Variants in CHRNA10 observed in about 807,000 individuals in gnomAD.
CHRNA10 encodes the protein cholinergic receptor nicotinic alpha 10 subunit, also known as neuronal acetylcholine receptor subunit alpha-10.
CHRNA10 carries 31 observed loss-of-function variants against 36.0 expected under a neutral mutation model. That is an observed-to-expected ratio of 0.86 (90% confidence interval 0.65 to 1.16). CHRNA10 has a LOEUF of 1.16. Among genes scored for constraint, CHRNA10 ranks in the 50% most tolerant of loss-of-function variants. The pLI is 0.00. For missense variants in CHRNA10, 648 were observed against 640.9 expected (o/e 1.01, Z -0.12); for synonymous variants, 302 against 287.0 (o/e 1.05, Z -0.53).
chr11:3,667,273 A>G lies in CHRNA10; in HGVS notation c.854T>C (p.Leu285Pro). ...LLALTVFQLL[L>P]AESMPPAESV... ...CTCGGCCGGTGGCATGCTCTCGGCCAGCAGCAACTGGAAGACGGTGAGCGC... is the reference window on the plus strand; with the variant it reads ...CTCGGCCGGTGGCATGCTCTCGGCCGGCAGCAACTGGAAGACGGTGAGCGC... Residue 285 changes from leucine to proline, a missense_variant, in exon 4 of 5, where the codon CTG becomes CCG. Transcript: ENST00000250699. 6.3e-7 allele frequency: 1 copy of G among 1,596,672 alleles called. No individual in the cohort carries two copies. The highest frequency in any genetic ancestry group is 8.5e-7 in the Non-Finnish European group (1 of 1,178,240).
At chr11:3,667,905 ACACT>A in intron 3 of CHRNA10, 141 bp from the exon 4 acceptor site, 1 of 728,044 alleles carries the variant, frequency 1.4e-6, no homozygotes, top group Non-Finnish European at 2.1e-6. Flanking sequence ...TAAGTTCGAG[ACACT>A]CACGACGCAG....
In CHRNA10 at chr11:3,667,740, G is replaced by A. The variant is rs1262780336; in HGVS notation, c.387C>T (p.Ser129=). The A allele has an allele frequency of 2.6e-6, 4 of 1,557,044 alleles. No individual in the cohort carries two copies. Among genetic ancestry groups the A allele is most frequent in the Non-Finnish European group, 3.5e-6 (4 of 1,159,164 alleles). ...YNKADAQPPG[S]ASTNVVLRHD... is the part of the protein sequence containing the mutation. ...GGCGCAGGACCACGTTGGTGCTGGC[G>A]GAACCTGGAGGCTGCGCGTCGGCTC... The change falls in exon 4 of 5, where the codon TCC becomes TCT. Residue 129 remains serine (S), a synonymous_variant. Coordinates refer to ENST00000250699, the MANE Select transcript of CHRNA10 (RefSeq NM_020402.4).
intron 2 of CHRNA10, 106 bp downstream of exon 2, chr11:3,669,690 T>C: frequency 6.9e-7 from 1 of 1,452,252 alleles, no homozygotes; most frequent in South Asian, 1.2e-5. Context: ...AATATTAACA[T>C]TTACAGAAAA....
Position 3,667,268 on chromosome 11 carries a change from C to T in CHRNA10, c.859G>A (p.Glu287Lys), listed in dbSNP as rs769677015. Residue 287 changes from glutamate (E) to lysine (K), a missense_variant, in exon 4 of 5, where the codon GAG becomes AAG. Coordinates refer to ENST00000250699, the MANE Select transcript of CHRNA10 (RefSeq NM_020402.4). ...ACGCTCTCGGCCGGTGGCATGCTCT[C>T]GGCCAGCAGCAACTGGAAGACGGTG... ...ALTVFQLLLA[E>K]SMPPAESVPL... 14 of 1,595,342 alleles carry T rather than the reference C, an allele frequency of 8.8e-6. No homozygotes were observed. The highest frequency in any genetic ancestry group is 3.4e-5 in the Admixed American group (2 of 59,470).
In CHRNA10 at chr11:3,667,475, AG is replaced by A; in HGVS notation, c.651del (p.Cys218AlafsTer89). 2 of 1,591,138 alleles carry A rather than the reference AG, an allele frequency of 1.3e-6. No individual in the cohort carries two copies. Among genetic ancestry groups the A allele is most frequent in the South Asian group, 1.1e-5 (1 of 90,532 alleles). On this transcript the variant is annotated frameshift_variant, in exon 4 of 5. Coordinates refer to ENST00000250699, the MANE Select transcript of CHRNA10 (RefSeq NM_020402.4). LOFTEE classifies it high-confidence loss of function. Reference sequence around the variant, plus strand: ...ACGTCGGGGTAGGGCTCGGAGCAGCAGCCGTAGGTGAGCACGCGCCGCCGCG... The same window carrying A: ...ACGTCGGGGTAGGGCTCGGAGCAGCACCGTAGGTGAGCACGCGCCGCCGCG... ...MPARRRVLTYGCCSEPYPDVT... is the reference protein window; with the variant it reads ...MPARRRVLTYXCCSEPYPDVT...
intron 3 of CHRNA10, 99 bp downstream of exon 3, chr11:3,669,097 A>G: frequency 1.5e-6 from 2 of 1,369,652 alleles, no homozygotes; most frequent in South Asian, 2.8e-5. Context: ...CAGCGTGGCA[A>G]CCAGGTTATG....
In CHRNA10 at chr11:3,667,333, C is replaced by T; in HGVS notation, c.794G>A (p.Gly265Asp). The T allele has an allele frequency of 2.5e-6, 4 of 1,600,548 alleles. No homozygotes were observed. Among genetic ancestry groups the T allele is most frequent in the Non-Finnish European group, 3.4e-6 (4 of 1,178,556 alleles). ...GGTGACGCCCAGCGACACCTTCTCG[C>T]CTGAGTCGGCAGGCAGGTGGAAGGC... ...PLAFHLPADS[G>D]EKVSLGVTVL... Residue 265 changes from glycine to aspartate, a missense_variant, in exon 4 of 5, where the codon GGC (glycine) becomes GAC (aspartate). By Grantham distance (94) the Gly-to-Asp change is moderately conservative. Coordinates refer to ENST00000250699, the MANE Select transcript of CHRNA10 (RefSeq NM_020402.4).
intron 3 of CHRNA10, among the ~76,000 whole-genome samples, chr11:3,668,296 G>T (rs868211114): frequency 6.6e-6 from 1 of 152,136 alleles, no homozygotes; most frequent in African/African-American, 2.4e-5. Flanking sequence ...GGCGGATCAC[G>T]AGGTCAGGAG....
rs774706922 is a variant in CHRNA10 at position 3,667,452 on chromosome 11, G to A, written c.675C>T (p.Asp225=). 16 of 1,594,920 alleles carry A rather than the reference G, an allele frequency of 1.0e-5. No homozygotes were observed. Among genetic ancestry groups the A allele is most frequent in the African/African-American group, 4.0e-5 (3 of 74,434 alleles). ...GGCGCAGCAGCAGCGTGAAGGTGAC[G>A]TCGGGGTAGGGCTCGGAGCAGCAGC... The part of the protein sequence containing the change: ...TYGCCSEPYP[D]VTFTLLLRRR... Residue 225 remains aspartate, a synonymous_variant, in exon 4 of 5, where the codon GAC becomes GAT. Coordinates refer to ENST00000250699, the MANE Select transcript of CHRNA10 (RefSeq NM_020402.4).
Position 3,666,557 on chromosome 11 carries a change from G to C in CHRNA10, c.903C>G (p.Tyr301Ter). Residue 301 changes from tyrosine (Y) to a stop codon, truncating the protein, a stop_gained, in exon 5 of 5, where the codon TAC becomes TAG. Transcript: ENST00000250699. LOFTEE classifies it high-confidence loss of function. Reference sequence around the variant, plus strand: ...TGACCATGGTCATAGTGGCCATGTAGTACTTCCCTGCAAGAGAGAGAGAAA... The same window carrying C: ...TGACCATGGTCATAGTGGCCATGTACTACTTCCCTGCAAGAGAGAGAGAAA... ...PAESVPLIGK[Y>*]YMATMTMVTF... is the part of the protein sequence containing the mutation. The C allele has an allele frequency of 6.5e-7, 1 of 1,531,092 alleles. No individual in the cohort carries two copies. The highest frequency in any genetic ancestry group is 1.4e-5 in the African/African-American group (1 of 72,318). 94.8% of individuals were successfully genotyped at this position (1,531,092 alleles called of 1,614,324 possible). A position where few individuals can be genotyped will look rare whatever the true frequency, so the allele number is the denominator to read the frequency against.
chr11:3,666,008 G>T lies in CHRNA10; in HGVS notation c.*99C>A. On this transcript the variant is annotated 3_prime_UTR_variant, in exon 5 of 5. Transcript: ENST00000250699. Reference sequence around the variant, plus strand: ...CTCAGGATCTTAGGAGCAGTGGGGAGAGACTGGCTGGCCCAAAGACCAGCA... The same window carrying T: ...CTCAGGATCTTAGGAGCAGTGGGGATAGACTGGCTGGCCCAAAGACCAGCA... 9.8e-7 allele frequency: 1 copy of T among 1,021,038 alleles called. No individual in the cohort carries two copies. Among genetic ancestry groups the T allele is most frequent in the Non-Finnish European group, 1.4e-6 (1 of 714,378 alleles). The allele number at this position is 1,021,038 out of a possible 1,614,324, so 63.2% of individuals were successfully genotyped here.
rs2077694289 is a variant in CHRNA10, at chr11:3,669,253, T to G, written c.305A>C (p.Asp102Ala). The change falls in exon 3 of 5, where the codon GAT becomes GCT. Residue 102 changes from aspartate (D) to alanine (A), a missense_variant. Physicochemically the swap from Asp to Ala is moderately radical, Grantham distance 126 (BLOSUM62 -2). Transcript: ENST00000250699. ...RWDPNAYGGL[D>A]AIRIPSSLVW... Reference sequence around the variant, plus strand: ...AAGACTGCTGGGGATGCGGATGGCATCCAGGCCACCATAGGCATTGGGGTC... The same window carrying G: ...AAGACTGCTGGGGATGCGGATGGCAGCCAGGCCACCATAGGCATTGGGGTC... The G allele has an allele frequency of 6.2e-7, 1 of 1,613,934 alleles. No individual in the cohort carries two copies. Among genetic ancestry groups the G allele is most frequent in the Admixed American group, 1.7e-5 (1 of 59,992 alleles).
Position 3,667,311 on chromosome 11 carries a change from G to A in CHRNA10, c.816C>T (p.Val272=), listed in dbSNP as rs1299237473. 1 of 1,598,942 alleles carries A rather than the reference G, an allele frequency of 6.3e-7. No homozygotes were observed. Among genetic ancestry groups the A allele is most frequent in the African/African-American group, 1.3e-5 (1 of 74,954 alleles). Residue 272 remains valine, a synonymous_variant, in exon 4 of 5, where the codon GTC becomes GTT. Coordinates refer to ENST00000250699, the MANE Select transcript of CHRNA10 (RefSeq NM_020402.4). ...ADSGEKVSLG[V]TVLLALTVFQ... ...AGACGGTGAGCGCCAGCAGCACGGT[G>A]ACGCCCAGCGACACCTTCTCGCCTG...
rs772955497 is a variant in CHRNA10 at position 3,667,687 on chromosome 11, G to C, written c.440C>G (p.Pro147Arg). ...RHDGAVRWDA[P>R]AITRSSCRVD... Reference sequence around the variant, plus strand: ...GCGGCACGAGCTGCGCGTGATGGCCGGCGCGTCCCAGCGCACGGCGCCATC... The same window carrying C: ...GCGGCACGAGCTGCGCGTGATGGCCCGCGCGTCCCAGCGCACGGCGCCATC... Residue 147 changes from proline to arginine, a missense_variant, in exon 4 of 5, where the codon CCG becomes CGG. By Grantham distance (103) the Pro-to-Arg change is moderately radical. Transcript: ENST00000250699. The C allele has an allele frequency of 4.5e-6, 7 of 1,570,562 alleles. No homozygotes were observed. In the Admixed American group the frequency reaches 5.3e-5, roughly 12 times the overall value.
At position 3,669,370 on chromosome 11, in the gene CHRNA10, G is replaced by A. The variant is rs1469432107; in HGVS notation, c.208-20C>T. ...TTCATCCTAGTGGGGGCAGGGAATG[G>A]CAGAGATGTGGACATGTATATGCAT... On this transcript the variant is annotated intron_variant, in intron 2 of 4. Coordinates refer to ENST00000250699, the MANE Select transcript of CHRNA10 (RefSeq NM_020402.4). 1.2e-6 allele frequency: 2 copies of A among 1,610,272 alleles called. No homozygotes were observed. The highest frequency in any genetic ancestry group is 1.3e-5 in the African/African-American group (1 of 74,842).
rs1388937984 is a variant in CHRNA10, at chr11:3,666,460, C to G, written c.1000G>C (p.Ala334Pro). 5.6e-6 allele frequency: 9 copies of G among 1,613,592 alleles called. No individual in the cohort carries two copies. The highest frequency in any genetic ancestry group is 6.8e-6 in the Non-Finnish European group (8 of 1,179,712). The change falls in exon 5 of 5, where the codon GCC (alanine) becomes CCC (proline). Residue 334 changes from alanine to proline, a missense_variant. Ala to Pro is a conservative substitution (Grantham distance 27). Transcript: ENST00000250699. The stretch of plus-strand genomic sequence containing the variant: ...CCCAGCAGGAGGGCCCTAGCCCAGG[C>G]TGGCACTGGGCGGACACTGGGACCA... ...YCGPSVRPVP[A>P]WARALLLGHL...
chr11:3,669,945 G>A lies in CHRNA10; in HGVS notation c.62-4C>T, dbSNP rs1217793166. The A allele has an allele frequency of 1.2e-6, 2 of 1,614,090 alleles. No homozygotes were observed. The highest frequency in any genetic ancestry group is 1.7e-6 in the Non-Finnish European group (2 of 1,179,982). ...CGGCCCTCAGCTCCCAGGCACTCTG[G>A]AGGGTCAGTAAGGAGGGTTGTCCAT... On this transcript the variant is annotated splice_region_variant and splice_polypyrimidine_tract_variant and intron_variant, in intron 1 of 4. Transcript: ENST00000250699.
intron 4 of CHRNA10, 100 bp from the exon 5 acceptor site, chr11:3,666,664 G>T: frequency 1.1e-6 from 1 of 904,574 alleles, no homozygotes; most frequent in Non-Finnish European, 1.7e-6. Context: ...CCACCATGAA[G>T]CTCTCCAGAC....
In CHRNA10 at chr11:3,667,430, G is replaced by T. The variant is rs557047608; in HGVS notation, c.697C>A (p.Arg233Ser). ...CACACGTAGGCGGCGGCGCGGCGGC[G>T]CAGCAGCAGCGTGAAGGTGACGTCG... Reference protein sequence around the residue: ...YPDVTFTLLLRRRAAAYVCNL... With the variant: ...YPDVTFTLLLSRRAAAYVCNL... Residue 233 changes from arginine to serine, a missense_variant, in exon 4 of 5, where the codon CGC becomes AGC. Coordinates refer to ENST00000250699, the MANE Select transcript of CHRNA10 (RefSeq NM_020402.4). 2.7e-5 allele frequency: 43 copies of T among 1,596,098 alleles called. No homozygotes were observed. In the South Asian group the frequency reaches 4.4e-4, roughly 16 times the overall value.
Sources: gnomAD v4.1 joint callset for allele counts (sites outside exome capture counted in the v4.1 genomes callset) on GRCh38, gnomAD v4.1.1 for gene constraint, MANE v1.5 for transcripts, NCBI Gene and HGNC (gene_info 2026-07-23, HGNC 2026-07-21) for gene names.